Variants in FBXO33 observed in about 807,000 individuals in gnomAD.
FBXO33 encodes the protein F-box only protein 33.
A neutral mutation model predicts 46.3 loss-of-function variants in FBXO33; 22 were observed. That is an observed-to-expected ratio of 0.48 (90% CI 0.34 to 0.68). The LOEUF is 0.68. Among genes scored for constraint, FBXO33 ranks in the 30% least tolerant of loss-of-function variants. The probability of loss-of-function intolerance (pLI) is 0.01; values close to 1 mark genes in which losing one functional copy is unlikely to be tolerated. For missense variants in FBXO33, 692 were observed against 708.8 expected (o/e 0.98, Z 0.27); for synonymous variants, 337 against 291.3 (o/e 1.16, Z -1.60).
chr14:39,417,782 G>A (rs1567076818), intron 1 of FBXO33, among the ~76,000 whole-genome samples: 1 of 152,170 alleles, frequency 6.6e-6, no homozygotes, highest in Non-Finnish European at 1.5e-5. Flanking sequence ...ACTCGCCTCG[G>A]CCTCCCAAAG....
intron 1 of FBXO33, among the ~76,000 whole-genome samples, chr14:39,409,011 A>T (rs1595983690): frequency 6.6e-6 from 1 of 152,046 alleles, no homozygotes; most frequent in South Asian, 2.1e-4. Flanking sequence ...TCCTGGGCTC[A>T]AGGAATCTGC....
intron 1 of FBXO33, among the ~76,000 whole-genome samples, chr14:39,425,642 T>C (rs2075509236): frequency 6.6e-6 from 1 of 152,252 alleles, no homozygotes; most frequent in African/African-American, 2.4e-5. Context: ...TTAATAACAT[T>C]ATTTCCTTTC....
At position 39,431,955 on chromosome 14, in the gene FBXO33, A is replaced by T. The variant is rs1833325070; in HGVS notation, c.208T>A (p.Ser70Thr). The T allele has an allele frequency of 1.3e-6, 2 of 1,529,340 alleles. No individual in the cohort carries two copies. Among genetic ancestry groups the T allele is most frequent in the Non-Finnish European group, 1.7e-6 (2 of 1,144,364 alleles). 94.7% of individuals were successfully genotyped at this position (1,529,340 alleles called of 1,614,324 possible). A position where few individuals can be genotyped will look rare whatever the true frequency, so the allele number is the denominator to read the frequency against. The change falls in exon 1 of 4, where the codon TCG (serine) becomes ACG (threonine). Residue 70 changes from serine to threonine, a missense_variant. Physicochemically the swap from Ser to Thr is moderately conservative, Grantham distance 58. Around this residue, in one of 3 missense-constraint regions of FBXO33, gnomAD observed 412 missense variants for 370.8 expected, o/e 1.11. Transcript: ENST00000298097. ...ALCGQAAGAA[S>T]LPSELIVHIF... Reference sequence around the variant, plus strand: ...TGCACGATCAGCTCGCTGGGCAGCGACGCAGCGCCCGCCGCCTGCCCGCAC... The same window carrying T: ...TGCACGATCAGCTCGCTGGGCAGCGTCGCAGCGCCCGCCGCCTGCCCGCAC...
rs1362107122 is a variant in FBXO33 at position 39,398,852 on chromosome 14, T to C, written c.*664A>G. 3.3e-5 allele frequency: 5 copies of C among 152,292 alleles called. No individual in the cohort carries two copies. 9.4% of individuals were successfully genotyped at this position (152,292 alleles called of 1,614,324 possible). ...GTAATGTAATTGATGAATAAAATTA[T>C]GTCAGATATAGTTAAAAAATCCAAC... On this transcript the variant is annotated 3_prime_UTR_variant, in exon 4 of 4. Coordinates refer to ENST00000298097, the MANE Select transcript of FBXO33 (RefSeq NM_203301.4).
At position 39,432,280 on chromosome 14, in the gene FBXO33, G is replaced by A. The variant is rs889646208; in HGVS notation, c.-118C>T. 26 of 868,828 alleles carry A rather than the reference G, an allele frequency of 3.0e-5. No individual in the cohort carries two copies. Among genetic ancestry groups the A allele is most frequent in the South Asian group, 1.2e-4 (2 of 17,258 alleles). 53.8% of individuals were successfully genotyped at this position (868,828 alleles called of 1,614,324 possible). A position where few individuals can be genotyped will look rare whatever the true frequency, so the allele number is the denominator to read the frequency against. On this transcript the variant is annotated 5_prime_UTR_variant, in exon 1 of 4. Coordinates refer to ENST00000298097, the MANE Select transcript of FBXO33 (RefSeq NM_203301.4). ...CGTGGCCTGCCGGGAGCCAGCCTCT[G>A]TCTTCTCAAACTCTACTCACGTGCG...
intron 1 of FBXO33, among the ~76,000 whole-genome samples, chr14:39,406,738 C>T (rs1040940932): frequency 6.6e-6 from 1 of 152,104 alleles, no homozygotes; most frequent in Non-Finnish European, 1.5e-5. Context: ...ATGATTTGTA[C>T]ATGTGTTGGG....
At chr14:39,429,547 G>A (rs918129996) in intron 1 of FBXO33, among the ~76,000 whole-genome samples, 18 of 152,150 alleles carry the variant, frequency 1.2e-4, no homozygotes, top group African/African-American at 4.3e-4. Flanking sequence ...ATATCACAGA[G>A]TATCTCAAAA....
chr14:39,412,567 G>A (rs1190380086), intron 1 of FBXO33, among the ~76,000 whole-genome samples: 1 of 152,146 alleles, frequency 6.6e-6, no homozygotes, highest in Admixed American at 6.5e-5. Context: ...AATAGGTAAA[G>A]ACTTACTATC....
intron 1 of FBXO33, among the ~76,000 whole-genome samples, chr14:39,424,999 C>T (rs1228243188): frequency 4.6e-5 from 7 of 151,986 alleles, no homozygotes; most frequent in Admixed American, 4.6e-4. Flanking sequence ...TGGCAGTGAG[C>T]CGAGATCATG....
At position 39,432,110 on chromosome 14, in the gene FBXO33, C is replaced by T; in HGVS notation, c.53G>A (p.Arg18Gln). 3 of 1,244,006 alleles carry T rather than the reference C, an allele frequency of 2.4e-6. No homozygotes were observed. Among genetic ancestry groups the T allele is most frequent in the Non-Finnish European group, 3.0e-6 (3 of 997,382 alleles). 77.1% of individuals were successfully genotyped at this position (1,244,006 alleles called of 1,614,324 possible). The change falls in exon 1 of 4, where the codon CGA (arginine) becomes CAA (glutamine). Residue 18 changes from arginine (R) to glutamine (Q), a missense_variant. Coordinates refer to ENST00000298097, the MANE Select transcript of FBXO33 (RefSeq NM_203301.4). Reference sequence around the variant, plus strand: ...CCGCGCCACCCGGGCGGCCCCGGCTCGGGTTCGAGCTCCCGGCGGTCGGGG... The same window carrying T: ...CCGCGCCACCCGGGCGGCCCCGGCTTGGGTTCGAGCTCCCGGCGGTCGGGG... ...PQPRPPGART[R>Q]AGAARVARWR...
Position 39,432,151 on chromosome 14 carries a change from GAAC to G in FBXO33, c.9_11del (p.Leu3del), listed in dbSNP as rs773817973. ...GCGGTCGGGGCTGCGGCACTGACAA[GAAC>G]AACAACATCAATGACTAGGAAGAAG... On this transcript the variant is annotated inframe_deletion, in exon 1 of 4. Transcript: ENST00000298097. 9.5e-5 allele frequency: 117 copies of G among 1,237,010 alleles called. No homozygotes were observed. The highest frequency in any genetic ancestry group is 3.4e-4 in the African/African-American group (22 of 64,396). 76.6% of individuals were successfully genotyped at this position (1,237,010 alleles called of 1,614,324 possible). A position where few individuals can be genotyped will look rare whatever the true frequency, so the allele number is the denominator to read the frequency against.
At chr14:39,424,049 C>T (rs954858182) in intron 1 of FBXO33, among the ~76,000 whole-genome samples, 4 of 152,140 alleles carry the variant, frequency 2.6e-5, no homozygotes, top group African/African-American at 4.8e-5. Context: ...TGAGAACATG[C>T]GGTATTTGGT....
chr14:39,425,191 T>G (rs769588112), intron 1 of FBXO33, among the ~76,000 whole-genome samples: 5 of 152,250 alleles, frequency 3.3e-5, no homozygotes, highest in Admixed American at 1.3e-4. Context: ...TAGGACTGTT[T>G]AGCACAATTG....
chr14:39,407,702 G>A (rs1204985524), intron 1 of FBXO33, among the ~76,000 whole-genome samples: 2 of 152,112 alleles, frequency 1.3e-5, no homozygotes, highest in East Asian at 1.9e-4. Flanking sequence ...ATCTTTTGAT[G>A]GACATTTGGG....
intron 1 of FBXO33, among the ~76,000 whole-genome samples, chr14:39,405,037 ACT>A (rs1217245608): frequency 1.3e-5 from 2 of 151,332 alleles, no homozygotes; most frequent in African/African-American, 4.9e-5. Context: ...AATTCCAGCT[ACT>A]TGGGAGGCTA....
intron 1 of FBXO33, among the ~76,000 whole-genome samples, chr14:39,413,769 T>C (rs916073532): frequency 3.3e-5 from 5 of 152,298 alleles, no homozygotes; most frequent in Middle Eastern, 3.4e-3. Flanking sequence ...ACATTGTCGA[T>C]GAGATGTAAT....
intron 1 of FBXO33, among the ~76,000 whole-genome samples, chr14:39,423,704 C>A (rs1350116952): frequency 6.6e-6 from 1 of 152,082 alleles, no homozygotes. Flanking sequence ...TAAAACTAAC[C>A]CACAGTGTTA....
rs559787927 is a variant in FBXO33, at chr14:39,420,411, T to C, written c.599+11153A>G. 2.0e-4 allele frequency among the ~76,000 whole-genome samples: 30 copies of C among 152,196 alleles called. 1 individual carries two copies. The South Asian group carries it at 3.7e-3, about 19-fold the overall frequency. On this transcript the variant is annotated intron_variant, in intron 1 of 3. Coordinates refer to ENST00000298097, the MANE Select transcript of FBXO33 (RefSeq NM_203301.4). The stretch of plus-strand genomic sequence containing the variant: ...ATACTTCAGTGCAGAAGAAAGCGGC[T>C]GGGCGCCGGTGGCTCACGCCTGTAA...
chr14:39,430,895 C>T (rs2139424535), intron 1 of FBXO33, among the ~76,000 whole-genome samples: 1 of 152,224 alleles, frequency 6.6e-6, no homozygotes, highest in Non-Finnish European at 1.5e-5. Context: ...GGCCAACTCC[C>T]TCGCTGCCCG....
Sources: gnomAD v4.1 joint callset for allele counts (sites outside exome capture counted in the v4.1 genomes callset) on GRCh38, gnomAD v4.1.1 for gene constraint, gnomAD v4.1.1 regional missense constraint, MANE v1.5 for transcripts, NCBI Gene and HGNC (gene_info 2026-07-23, HGNC 2026-07-21) for gene names.